Variants in VAV1 observed in about 807,000 individuals in gnomAD.
The protein encoded by VAV1 is vav guanine nucleotide exchange factor 1.
VAV1 carries 33 observed loss-of-function variants against 128.1 expected under a neutral mutation model. The observed-to-expected ratio is 0.26, with a 90% CI of 0.20 to 0.34. The LOEUF is 0.34. Among genes scored for constraint, VAV1 ranks in the 10% least tolerant of loss-of-function variants. The pLI, the probability that VAV1 is intolerant of heterozygous loss-of-function variation, is 1.00. For synonymous variants in VAV1, 394 were observed against 409.8 expected, an observed-to-expected ratio of 0.96 and a Z score of 0.47; for missense variants, 715 against 1,093.7, an observed-to-expected ratio of 0.65 and a Z score of 4.88.
chr19:6,833,470 T>C lies in VAV1; in HGVS notation c.1611-58T>C, dbSNP rs1258007232. 5.3e-6 allele frequency: 8 copies of C among 1,502,160 alleles called. No individual in the cohort carries two copies. The Admixed American group carries it at 1.7e-4, about 32-fold the overall frequency. The allele number at this position is 1,502,160 out of a possible 1,614,324, so 93.1% of individuals were successfully genotyped here. On this transcript the variant is annotated intron_variant, in intron 16 of 26. Coordinates refer to ENST00000602142, the MANE Select transcript of VAV1 (RefSeq NM_005428.4). ...GGGTCCCTTTATGTTTTTAGCAGAA[T>C]ATTTGGCCCTGTCTGTAAAGGTCAC... is the stretch of plus-strand genomic sequence containing the variant.
chr19:6,803,707 G>GGT, intron 1 of VAV1, among the ~76,000 whole-genome samples: 1 of 152,056 alleles, frequency 6.6e-6, no homozygotes, highest in African/African-American at 2.4e-5. Flanking sequence ...TGGGTTTACT[G>GGT]GCACCTGCCA....
Position 6,826,527 on chromosome 19 carries a change from G to A in VAV1, c.828-85G>A. On this transcript the variant is annotated intron_variant, in intron 8 of 26. Coordinates refer to ENST00000602142, the MANE Select transcript of VAV1 (RefSeq NM_005428.4). The surrounding 1 kb of genome is among the most constrained non-coding windows in gnomAD (Gnocchi z 4.1). ...GGACTCAGGTTTCTTCTCCAGCGGG[G>A]AAGAGCAAGGCCAGGGCTGACGCCA... The A allele has an allele frequency of 9.9e-7, 1 of 1,012,480 alleles. No homozygotes were observed. The highest frequency in any genetic ancestry group is 1.5e-6 in the Non-Finnish European group (1 of 665,652). The allele number at this position is 1,012,480 out of a possible 1,614,324, so 62.7% of individuals were successfully genotyped here.
At chr19:6,789,924 G>A (rs1200835401) in intron 1 of VAV1, among the ~76,000 whole-genome samples, 1 of 152,182 alleles carries the variant, frequency 6.6e-6, no homozygotes, top group Non-Finnish European at 1.5e-5. Context: ...GATGGGGAGA[G>A]GCCAGACGTG....
chr19:6,774,415 A>G (rs1300049325), intron 1 of VAV1, among the ~76,000 whole-genome samples: 4 of 123,846 alleles, frequency 3.2e-5, no homozygotes, highest in Non-Finnish European at 4.9e-5. Context: ...GGTGTGAGCC[A>G]CCGCGCCCAG....
intron 21 of VAV1, among the ~76,000 whole-genome samples, chr19:6,840,664 G>A (rs989983849): frequency 2.7e-5 from 4 of 150,540 alleles, no homozygotes; most frequent in Admixed American, 6.7e-5. Flanking sequence ...TGCAGTGGTC[G>A]TGTAATTATA....
At chr19:6,802,580 G>A (rs1971299537) in intron 1 of VAV1, among the ~76,000 whole-genome samples, 1 of 152,104 alleles carries the variant, frequency 6.6e-6, no homozygotes, top group South Asian at 2.1e-4. Context: ...TGATCTCCCT[G>A]AGGTCAGGAG....
intron 18 of VAV1, 84 bp from the exon 19 acceptor site, chr19:6,833,824 C>T: frequency 6.2e-7 from 1 of 1,613,512 alleles, no homozygotes; most frequent in East Asian, 2.2e-5. Context: ...GGGCAGGATC[C>T]TTTGTGGGGT....
chr19:6,788,721 T>A (rs1369099963), intron 1 of VAV1, among the ~76,000 whole-genome samples: 2 of 152,026 alleles, frequency 1.3e-5, no homozygotes, highest in East Asian at 3.9e-4. Context: ...GCTGGTCACA[T>A]GTCTATTTCT....
Position 6,844,060 on chromosome 19 carries a change from CTTCTTTTTTTTTTTTTTTT to C in VAV1, c.2012+897_2012+915del, listed in dbSNP as rs1365550356. 2.8e-3 allele frequency among the ~76,000 whole-genome samples: 52 copies of C among 18,822 alleles called. 2 individuals are homozygous for C. The highest frequency in any genetic ancestry group is 9.2e-3 in the African/African-American group (51 of 5,560). 12.3% of individuals were successfully genotyped at this position (18,822 alleles called of 152,430 possible). ...CATACTTTCTTCTTTTCTTCTTCTT[CTTCTTTTTTTTTTTTTTTT>C]TTTTTTTTTTTTTTTTTTTTTTTTT... On this transcript the variant is annotated intron_variant, in intron 22 of 26. Transcript: ENST00000602142.
chr19:6,778,074 C>T lies in VAV1; in HGVS notation c.204+5063C>T, dbSNP rs568538428. On this transcript the variant is annotated intron_variant, in intron 1 of 26. Coordinates refer to ENST00000602142, the MANE Select transcript of VAV1 (RefSeq NM_005428.4). The stretch of plus-strand genomic sequence containing the variant: ...GTCTCAGCCTCCTGAGTAGCTGGGG[C>T]TACAGATGCGTGCCACCATGCCTGG... Among the ~76,000 whole-genome samples the T allele has an allele frequency of 1.2e-3, 183 of 152,222 alleles. 1 individual carries two copies. Among genetic ancestry groups the T allele is most frequent in the African/African-American group, 4.2e-3 (174 of 41,544 alleles).
intron 26 of VAV1, 62 bp from the exon 27 acceptor site, chr19:6,856,992 T>C: frequency 1.3e-6 from 2 of 1,500,534 alleles, no homozygotes; most frequent in Middle Eastern, 1.7e-4. Flanking sequence ...CTGCCTGGTG[T>C]GTGGAGGGGC....
intron 21 of VAV1, among the ~76,000 whole-genome samples, chr19:6,840,256 T>C (rs75222175): frequency 6.6e-6 from 1 of 152,078 alleles, no homozygotes; most frequent in Non-Finnish European, 1.5e-5. Flanking sequence ...CTTGGCATAA[T>C]GTATTCAAGG....
At chr19:6,795,514 C>T (rs1031240192) in intron 1 of VAV1, among the ~76,000 whole-genome samples, 4 of 151,424 alleles carry the variant, frequency 2.6e-5, no homozygotes, top group East Asian at 3.9e-4. Flanking sequence ...TTATTTATAA[C>T]TCTAATGGGT....
At position 6,844,040 on chromosome 19, in the gene VAV1, T is replaced by A. The variant is rs575392619; in HGVS notation, c.2012+874T>A. Among the ~76,000 whole-genome samples, 3 of 124,042 alleles carry A rather than the reference T, an allele frequency of 2.4e-5. No individual in the cohort carries two copies. The East Asian group carries it at 7.9e-4, about 33-fold the overall frequency. 81.4% of individuals were successfully genotyped at this position (124,042 alleles called of 152,430 possible). A position where few individuals can be genotyped will look rare whatever the true frequency, so the allele number is the denominator to read the frequency against. On this transcript the variant is annotated intron_variant, in intron 22 of 26. Transcript: ENST00000602142. ...TGATTCTTACTCTCTGCCCCCATAC[T>A]TTCTTCTTTTCTTCTTCTTCTTCTT...
At chr19:6,855,047 G>A (rs1284453302) in intron 26 of VAV1, among the ~76,000 whole-genome samples, 1 of 152,140 alleles carries the variant, frequency 6.6e-6, no homozygotes, top group Non-Finnish European at 1.5e-5. Flanking sequence ...GACTTCAAAT[G>A]TCTTCAAGTC....
In VAV1 at chr19:6,777,300, T is replaced by G. The variant is rs560268866; in HGVS notation, c.204+4289T>G. The stretch of plus-strand genomic sequence containing the variant: ...ATCCATCCATCCAGCAATGACAAGG[T>G]CTGCCAGGCCCTGTTCTTGGTGCTG... On this transcript the variant is annotated intron_variant, in intron 1 of 26. Coordinates refer to ENST00000602142, the MANE Select transcript of VAV1 (RefSeq NM_005428.4). The surrounding 1 kb of genome is among the most constrained non-coding windows in gnomAD (Gnocchi z 4.4). Among the ~76,000 whole-genome samples the G allele has an allele frequency of 6.6e-6, 1 of 152,006 alleles. No homozygotes were observed. Among genetic ancestry groups the G allele is most frequent in the African/African-American group, 2.4e-5 (1 of 41,446 alleles).
Position 6,826,736 on chromosome 19 carries a change from G to A in VAV1, c.927+25G>A. On this transcript the variant is annotated intron_variant, in intron 9 of 26. Coordinates refer to ENST00000602142, the MANE Select transcript of VAV1 (RefSeq NM_005428.4). The surrounding 1 kb of genome is among the most constrained non-coding windows in gnomAD (Gnocchi z 4.1). Reference sequence around the variant, plus strand: ...GGTGGGCGCCGGGCCACTTCTCGGGGGCCTCTCCCGCTCCTCCCCAGGCCC... The same window carrying A: ...GGTGGGCGCCGGGCCACTTCTCGGGAGCCTCTCCCGCTCCTCCCCAGGCCC... 1 of 1,521,300 alleles carries A rather than the reference G, an allele frequency of 6.6e-7. No individual in the cohort carries two copies. The highest frequency in any genetic ancestry group is 1.2e-5 in the South Asian group (1 of 83,708). The allele number at this position is 1,521,300 out of a possible 1,614,324, so 94.2% of individuals were successfully genotyped here.
At chr19:6,779,878 G>A (rs1173849128) in intron 1 of VAV1, among the ~76,000 whole-genome samples, 2 of 149,526 alleles carry the variant, frequency 1.3e-5, no homozygotes, top group African/African-American at 4.9e-5. Context: ...TTGGGAGGCC[G>A]AGGCGGGCGG....
intron 1 of VAV1, among the ~76,000 whole-genome samples, chr19:6,773,299 T>G (rs1487620050): frequency 6.6e-6 from 1 of 151,900 alleles, no homozygotes; most frequent in Non-Finnish European, 1.5e-5. Flanking sequence ...GCGCCTCTAC[T>G]GTGGTTCATG....
Sources: allele counts gnomAD v4.1 joint callset (sites outside exome capture counted in the v4.1 genomes callset), GRCh38; gene constraint gnomAD v4.1.1; non-coding constraint Gnocchi (gnomAD v3.1); transcripts MANE v1.5; gene names NCBI Gene and HGNC (gene_info 2026-07-23, HGNC 2026-07-21).